KCMF1: variants seen among roughly 807,000 people sequenced by gnomAD.
KCMF1 encodes the protein potassium channel modulatory factor 1.
A neutral mutation model predicts 41.1 loss-of-function variants in KCMF1; 3 were observed. The observed-to-expected ratio is 0.07, with a 90% CI of 0.03 to 0.19. The LOEUF (loss-of-function observed/expected upper bound fraction) is 0.19. Ranked by LOEUF, KCMF1 falls within the 10% of genes least tolerant of loss-of-function variation. The pLI, the probability that KCMF1 is intolerant of heterozygous loss-of-function variation, is 1.00. For synonymous variants in KCMF1, 142 were observed against 164.5 expected (o/e 0.86, Z 1.04); for missense variants, 286 against 488.9 (o/e 0.58, Z 3.91).
At chr2:84,998,872 A>G (rs1282784112) in intron 1 of KCMF1, among the ~76,000 whole-genome samples, 1 of 151,430 alleles carries the variant, frequency 6.6e-6, no homozygotes, top group Non-Finnish European at 1.5e-5. Flanking sequence ...TCGGACTCCC[A>G]AAGTGCTGGG....
intron 2 of KCMF1, among the ~76,000 whole-genome samples, chr2:85,030,647 T>C (rs1451162654): frequency 1.3e-5 from 2 of 152,200 alleles, no homozygotes; most frequent in Non-Finnish European, 2.9e-5. Context: ...TGACTATAAA[T>C]GAGGGTTTAT....
chr2:85,001,128 A>G (rs998359814), intron 1 of KCMF1, among the ~76,000 whole-genome samples: 2 of 148,934 alleles, frequency 1.3e-5, no homozygotes, highest in Admixed American at 6.7e-5. Context: ...TCCCAGCCTT[A>G]TATAATTTTA....
rs1020961342 is a variant in KCMF1 at position 85,055,351 on chromosome 2, C to A, written c.*1942C>A. 6.6e-6 allele frequency: 1 copy of A among 151,936 alleles called. No homozygotes were observed. The highest frequency in any genetic ancestry group is 2.4e-5 in the African/African-American group (1 of 41,364). 9.4% of individuals were successfully genotyped at this position (151,936 alleles called of 1,614,324 possible). On this transcript the variant is annotated 3_prime_UTR_variant, in exon 7 of 7. Transcript: ENST00000409785. The stretch of plus-strand genomic sequence containing the variant: ...TCTTTTTATGCTAAACATGGGAGAT[C>A]CTGGTTTTGTGTGAATGCATTATTT...
chr2:84,993,398 GA>G (rs1180749659), intron 1 of KCMF1, among the ~76,000 whole-genome samples: 1 of 151,996 alleles, frequency 6.6e-6, no homozygotes, highest in Non-Finnish European at 1.5e-5. Flanking sequence ...GCAATACAGA[GA>G]AGATCACCGA....
chr2:85,020,499 G>T (rs894504759), intron 1 of KCMF1, among the ~76,000 whole-genome samples: 2 of 152,032 alleles, frequency 1.3e-5, no homozygotes, highest in African/African-American at 4.8e-5. Flanking sequence ...CACAATCTCC[G>T]CTCACTGCAG....
At chr2:85,024,583 A>AGAGTGT (rs1219534094) in intron 1 of KCMF1, among the ~76,000 whole-genome samples, 3 of 124,220 alleles carry the variant, frequency 2.4e-5, no homozygotes, top group East Asian at 3.9e-4. Context: ...AGAGAGAGAG[A>AGAGTGT]GTGTGTGTGT....
intron 1 of KCMF1, among the ~76,000 whole-genome samples, chr2:85,024,310 TAAA>T (rs952508252): frequency 3.9e-5 from 6 of 152,068 alleles, no homozygotes; most frequent in African/African-American, 1.2e-4. Context: ...CCGTCTCTAC[TAAA>T]AATACAAAAA....
intron 1 of KCMF1, among the ~76,000 whole-genome samples, chr2:84,979,696 T>C (rs1673654880): frequency 6.6e-6 from 1 of 152,150 alleles, no homozygotes; most frequent in South Asian, 2.1e-4. Flanking sequence ...TTTAGTGTTG[T>C]GCTAAGGACC....
chr2:85,027,403 G>A lies in KCMF1; in HGVS notation c.17-486G>A, dbSNP rs373629864. Among the ~76,000 whole-genome samples, 556 of 93,868 alleles carry A rather than the reference G, an allele frequency of 5.9e-3. 1 individual carries two copies. Among genetic ancestry groups the A allele is most frequent in the African/African-American group, 0.022 (534 of 23,896 alleles). The allele number at this position is 93,868 out of a possible 152,430, so 61.6% of individuals were successfully genotyped here. ...TTTTTTTTTTTTTTTTTGAGACAAAGCCTCACTCTGTTGTGAGGCTGGAGT... is the reference window on the plus strand; with the variant it reads ...TTTTTTTTTTTTTTTTTGAGACAAAACCTCACTCTGTTGTGAGGCTGGAGT... On this transcript the variant is annotated intron_variant, in intron 1 of 6. Coordinates refer to ENST00000409785, the MANE Select transcript of KCMF1 (RefSeq NM_020122.5).
At chr2:84,999,322 T>C (rs971865070) in intron 1 of KCMF1, among the ~76,000 whole-genome samples, 22 of 152,000 alleles carry the variant, frequency 1.4e-4, no homozygotes, top group Non-Finnish European at 4.4e-5. Flanking sequence ...GGCTAATTTT[T>C]GTATTTTTTA....
intron 4 of KCMF1, among the ~76,000 whole-genome samples, chr2:85,045,177 C>G (rs1446224935): frequency 6.6e-6 from 1 of 152,110 alleles, no homozygotes; most frequent in African/African-American, 2.4e-5. Flanking sequence ...GAGCTCAAGG[C>G]TGCAGTAAGC....
chr2:85,016,906 T>G (rs1674782027), intron 1 of KCMF1, among the ~76,000 whole-genome samples: 1 of 152,032 alleles, frequency 6.6e-6, no homozygotes, highest in South Asian at 2.1e-4. Context: ...GCCAGGCTGG[T>G]CTCGAACCCC....
At chr2:84,972,837 C>T (rs1474740758) in intron 1 of KCMF1, among the ~76,000 whole-genome samples, 1 of 152,182 alleles carries the variant, frequency 6.6e-6, no homozygotes, top group Admixed American at 6.5e-5. Flanking sequence ...ATGAAATATA[C>T]TATATTTTCT....
chr2:84,976,927 T>C (rs970893105), intron 1 of KCMF1, among the ~76,000 whole-genome samples: 2 of 152,208 alleles, frequency 1.3e-5, no homozygotes, highest in Non-Finnish European at 2.9e-5. Flanking sequence ...TGTTTTGAAA[T>C]ATGTATACAT....
intron 2 of KCMF1, among the ~76,000 whole-genome samples, chr2:85,029,703 AAGAGTTTC>A (rs1675217964): frequency 1.4e-5 from 2 of 143,336 alleles, no homozygotes; most frequent in Non-Finnish European, 3.0e-5. Flanking sequence ...TTTTTGAGAC[AAGAGTTTC>A]ACTCTTGTCG....
intron 1 of KCMF1, among the ~76,000 whole-genome samples, chr2:85,008,290 A>G (rs7340153): frequency 8.2e-5 from 1 of 12,200 alleles, no homozygotes; most frequent in Non-Finnish European, 2.7e-4. Flanking sequence ...ATGATATATA[A>G]TATATATAAT....
At chr2:84,977,302 A>G (rs17025763) in intron 1 of KCMF1, among the ~76,000 whole-genome samples, 23,832 of 152,214 alleles carry the variant, frequency 0.16, 2,896 homozygotes, top group East Asian at 0.35. Context: ...ATTTTAATGC[A>G]GTGCCTTTTG....
chr2:84,990,939 T>A (rs1448850186), intron 1 of KCMF1, among the ~76,000 whole-genome samples: 1 of 152,030 alleles, frequency 6.6e-6, no homozygotes, highest in Admixed American at 6.6e-5. Context: ...CAAAACCCAG[T>A]GGATGGTTTT....
chr2:84,971,290 G>A lies in KCMF1; in HGVS notation c.-162G>A. 1 of 179,170 alleles carries A rather than the reference G, an allele frequency of 5.6e-6. No individual in the cohort carries two copies. Among genetic ancestry groups the A allele is most frequent in the Non-Finnish European group, 1.1e-5 (1 of 94,608 alleles). 11.1% of individuals were successfully genotyped at this position (179,170 alleles called of 1,614,324 possible). On this transcript the variant is annotated 5_prime_UTR_variant, in exon 1 of 7. Coordinates refer to ENST00000409785, the MANE Select transcript of KCMF1 (RefSeq NM_020122.5). ...CCCGCGCCGCCTCCCCGCCGCCGCC[G>A]CCGCCGCCGCCGCGGGAGCGCTCCC...
Sources: gnomAD v4.1 joint callset for allele counts (sites outside exome capture counted in the v4.1 genomes callset) on GRCh38, gnomAD v4.1.1 for gene constraint, MANE v1.5 for transcripts, NCBI Gene and HGNC (gene_info 2026-07-23, HGNC 2026-07-21) for gene names.